Variants in NTM observed in about 807,000 individuals in gnomAD.
NTM encodes neurotrimin.
Under a neutral mutation model 42.1 loss-of-function variants are expected in NTM, and 13 were observed. That is an observed-to-expected ratio of 0.31 (90% CI 0.20 to 0.49). The LOEUF is 0.49. Ranked by LOEUF, NTM falls within the 20% of genes least tolerant of loss-of-function variation. The probability of loss-of-function intolerance (pLI) is 0.99; values close to 1 mark genes in which losing one functional copy is unlikely to be tolerated. For synonymous variants in NTM, 187 were observed against 179.2 expected, an observed-to-expected ratio of 1.04 and a Z score of -0.35; for missense variants, 373 against 452.8, an observed-to-expected ratio of 0.82 and a Z score of 1.60.
chr11:131,688,713 G>A (rs2074259726), intron 1 of NTM, among the ~76,000 whole-genome samples: 1 of 152,242 alleles, frequency 6.6e-6, no homozygotes, highest in South Asian at 2.1e-4. Flanking sequence ...TTCTTCAGGG[G>A]TGGGGGTGAT....
At chr11:131,978,184 C>T (rs1448100358) in intron 2 of NTM, among the ~76,000 whole-genome samples, 2 of 152,104 alleles carry the variant, frequency 1.3e-5, no homozygotes, top group African/African-American at 2.4e-5. Flanking sequence ...TTCATACCCT[C>T]GAGTGTGAAG....
chr11:132,134,717 A>G (rs1188183913), intron 2 of NTM, among the ~76,000 whole-genome samples: 1,510 of 41,006 alleles, frequency 0.037, 158 homozygotes, highest in African/African-American at 0.11. Flanking sequence ...ATATATATAT[A>G]TATATATATA....
At chr11:131,383,350 C>A (rs556462476) in intron 1 of NTM, among the ~76,000 whole-genome samples, 4 of 152,236 alleles carry the variant, frequency 2.6e-5, no homozygotes, top group Admixed American at 2.6e-4. Flanking sequence ...GTGACTACCA[C>A]GTGGTAAGTG....
chr11:132,314,667 A>G lies in NTM; in HGVS notation c.898A>G (p.Lys300Glu). ...YGNYTCVASN[K>E]LGHTNASIML... is the part of the protein sequence containing the mutation. ...GAACTACACTTGCGTGGCCTCCAAC[A>G]AGCTGGGCCACACCAATGCCAGCAT... The change falls in exon 7 of 9, where the codon AAG becomes GAG. Residue 300 changes from lysine (K) to glutamate (E), a missense_variant. This residue lies in a region of NTM where 312 missense variants were observed against 353.5 expected (regional missense o/e 0.88). Coordinates refer to ENST00000683400, the MANE Select transcript of NTM (RefSeq NM_001352005.2). The G allele has an allele frequency of 1.9e-6, 3 of 1,613,842 alleles. No homozygotes were observed. Among genetic ancestry groups the G allele is most frequent in the Non-Finnish European group, 2.5e-6 (3 of 1,179,900 alleles).
intron 1 of NTM, among the ~76,000 whole-genome samples, chr11:131,451,963 G>A (rs749515594): frequency 2.0e-5 from 3 of 152,128 alleles, no homozygotes; most frequent in Non-Finnish European, 4.4e-5. Context: ...TAGAACAGCC[G>A]GCAAAGCCTG....
chr11:132,324,687 AC>A (rs1224283869), intron 7 of NTM, among the ~76,000 whole-genome samples: 3,769 of 129,086 alleles, frequency 0.029, 290 homozygotes, highest in African/African-American at 0.1. Context: ...TTCATACGGA[AC>A]CAAAAAAGAG....
At chr11:131,986,294 T>C (rs763175786) in intron 2 of NTM, among the ~76,000 whole-genome samples, 4 of 152,220 alleles carry the variant, frequency 2.6e-5, no homozygotes, top group Non-Finnish European at 5.9e-5. Context: ...ATGAGAGTCA[T>C]CTGCTGTTCT....
chr11:131,370,875 G>T lies in NTM; in HGVS notation c.69G>T (p.Leu23=). ...CAATCTTCACGGGGCTGGCTGCTCTGTGTCTCTTCCAAGGTAAGAGCTTGC... is the reference window on the plus strand; with the variant it reads ...CAATCTTCACGGGGCTGGCTGCTCTTTGTCTCTTCCAAGGTAAGAGCTTGC... The part of the protein sequence containing the change: ...SWAIFTGLAA[L]CLFQGVPVRS... Residue 23 remains leucine (L), a synonymous_variant, in exon 1 of 9, where the codon CTG becomes CTT. Coordinates refer to ENST00000683400, the MANE Select transcript of NTM (RefSeq NM_001352005.2). 1 of 1,614,074 alleles carries T rather than the reference G, an allele frequency of 6.2e-7. No homozygotes were observed. The highest frequency in any genetic ancestry group is 2.2e-5 in the East Asian group (1 of 44,878).
intron 4 of NTM, among the ~76,000 whole-genome samples, chr11:132,270,993 G>A (rs1364590667): frequency 2.6e-5 from 4 of 152,052 alleles, no homozygotes; most frequent in African/African-American, 9.7e-5. Context: ...CCCGTTTATT[G>A]TTGTGCAATA....
chr11:132,087,892 T>C (rs987627158), intron 2 of NTM, among the ~76,000 whole-genome samples: 1 of 152,206 alleles, frequency 6.6e-6, no homozygotes, highest in Non-Finnish European at 1.5e-5. Context: ...TGGATGTGGA[T>C]GCATAGTGGG....
intron 1 of NTM, among the ~76,000 whole-genome samples, chr11:131,375,645 G>T (rs1267613065): frequency 2.0e-5 from 3 of 152,188 alleles, no homozygotes; most frequent in East Asian, 3.9e-4. Flanking sequence ...ATGGTGGAGA[G>T]GGGGAGCACT....
chr11:131,426,795 G>C (rs896155007), intron 1 of NTM, among the ~76,000 whole-genome samples: 1 of 152,168 alleles, frequency 6.6e-6, no homozygotes, highest in African/African-American at 2.4e-5. Context: ...CGGAGGAAGA[G>C]CTGGCATATT....
intron 1 of NTM, among the ~76,000 whole-genome samples, chr11:131,751,340 C>T (rs575043382): frequency 1.5e-3 from 222 of 152,088 alleles, no homozygotes; most frequent in Non-Finnish European, 2.7e-3. Context: ...CGTGTAATCC[C>T]AGCACTTCGG....
At chr11:131,372,319 C>T (rs946471923) in intron 1 of NTM, among the ~76,000 whole-genome samples, 3 of 152,104 alleles carry the variant, frequency 2.0e-5, no homozygotes, top group Non-Finnish European at 4.4e-5. Context: ...TGCACCCAAC[C>T]CCAGGAGGCA....
chr11:131,850,731 C>T (rs563256369), intron 1 of NTM, among the ~76,000 whole-genome samples: 28 of 152,266 alleles, frequency 1.8e-4, no homozygotes, highest in African/African-American at 5.1e-4. Flanking sequence ...CAGGCGGTGC[C>T]ATCGGATTTG....
chr11:131,909,233 A>G (rs905952316), intron 1 of NTM, among the ~76,000 whole-genome samples: 1 of 152,128 alleles, frequency 6.6e-6, no homozygotes, highest in Non-Finnish European at 1.5e-5. Flanking sequence ...TCCAAAGCCT[A>G]CTTCTGTCCT....
Position 132,083,388 on chromosome 11 carries a change from GAAT to G in NTM, c.168-62890_168-62888del, listed in dbSNP as rs1050875769. The stretch of plus-strand genomic sequence containing the variant: ...TGATTATTTGCATAAAGTGCAGCAA[GAAT>G]AATTATTTTTACATAGGCTTTTAAA... On this transcript the variant is annotated intron_variant, in intron 2 of 8. Coordinates refer to ENST00000683400, the MANE Select transcript of NTM (RefSeq NM_001352005.2). Among the ~76,000 whole-genome samples, 27 of 152,318 alleles carry G rather than the reference GAAT, an allele frequency of 1.8e-4. No homozygotes were observed. The East Asian group carries it at 5.2e-3, about 29-fold the overall frequency.
intron 2 of NTM, among the ~76,000 whole-genome samples, chr11:132,009,918 T>C (rs1036420405): frequency 1.8e-4 from 28 of 152,168 alleles, no homozygotes; most frequent in African/African-American, 6.8e-4. Flanking sequence ...CAGAGAAGGT[T>C]ACCCTTTTTT....
intron 1 of NTM, among the ~76,000 whole-genome samples, chr11:131,497,572 T>A (rs1461157763): frequency 6.6e-6 from 1 of 152,212 alleles, no homozygotes; most frequent in Non-Finnish European, 1.5e-5. Flanking sequence ...CATTAAAAAG[T>A]GCCTGTGGGC....
Sources: gnomAD v4.1 joint callset for allele counts (sites outside exome capture counted in the v4.1 genomes callset) on GRCh38, gnomAD v4.1.1 for gene constraint, gnomAD v4.1.1 regional missense constraint, MANE v1.5 for transcripts, NCBI Gene and HGNC (gene_info 2026-07-23, HGNC 2026-07-21) for gene names.